The following UBE3D variants were observed in gnomAD, a reference collection of about 807,000 sequenced individuals.
UBE3D encodes ubiquitin protein ligase E3D, also known as E3 ubiquitin-protein ligase E3D.
In UBE3D, 48 loss-of-function variants were observed where a neutral mutation model predicts 49.6. That is an observed-to-expected ratio of 0.97 (90% CI 0.77 to 1.23). The LOEUF (loss-of-function observed/expected upper bound fraction) is 1.23, where lower values mean the gene tolerates loss of function less well. UBE3D is among the 50% of genes most tolerant of loss of function. UBE3D has a pLI of 0.00. For missense variants in UBE3D, 452 were observed against 468.4 expected (o/e 0.96, Z 0.32); for synonymous variants, 189 against 174.2 (o/e 1.08, Z -0.67).
intron 9 of UBE3D, among the ~76,000 whole-genome samples, chr6:82,909,884 C>T (rs1431322000): frequency 6.6e-6 from 1 of 152,152 alleles, no homozygotes; most frequent in Non-Finnish European, 1.5e-5. Flanking sequence ...TGCGATCCTT[C>T]CCCTTCCTCC....
intron 9 of UBE3D, among the ~76,000 whole-genome samples, chr6:82,933,479 C>A (rs1212159072): frequency 6.6e-6 from 1 of 152,224 alleles, no homozygotes; most frequent in East Asian, 1.9e-4. Flanking sequence ...CAACATTTAG[C>A]AGACAACTTT....
At chr6:82,921,279 T>A (rs1773317236) in intron 9 of UBE3D, among the ~76,000 whole-genome samples, 1 of 152,170 alleles carries the variant, frequency 6.6e-6, no homozygotes, top group African/African-American at 2.4e-5. Flanking sequence ...TTTAAACACA[T>A]AGCTGAGCTA....
At chr6:82,891,295 G>A (rs1243586201), downstream of UBE3D, among the ~76,000 whole-genome samples, 1 of 152,166 alleles carries the variant, frequency 6.6e-6, no homozygotes. Context: ...GGAATCTAGT[G>A]GGTAGAGGTC....
chr6:82,885,065 G>A, the UBE3D span, among the ~76,000 whole-genome samples: 2 of 151,884 alleles, frequency 1.3e-5, no homozygotes, highest in African/African-American at 4.8e-5. Context: ...AGAATGGGTT[G>A]TCACGTCCCT....
the UBE3D span, among the ~76,000 whole-genome samples, chr6:82,887,389 G>GTTTTTGTTTTGTTTTTTTTTTTTTTTTTT: frequency 9.2e-5 from 9 of 98,328 alleles, 2 homozygotes; most frequent in African/African-American, 4.1e-4. Context: ...GACAGTAACA[G>GTTTTTGTTTTGTTTTTTTTTTTTTTTTTT]TTTTTTTTTT....
intron 8 of UBE3D, among the ~76,000 whole-genome samples, chr6:82,973,822 A>G (rs1316951843): frequency 2.6e-5 from 4 of 152,146 alleles, no homozygotes; most frequent in Non-Finnish European, 5.9e-5. Flanking sequence ...CATCACTTAC[A>G]TTACTGCCCA....
At chr6:82,885,623 A>G in the UBE3D span, among the ~76,000 whole-genome samples, 1 of 152,246 alleles carries the variant, frequency 6.6e-6, no homozygotes, top group Non-Finnish European at 1.5e-5. Flanking sequence ...ACTTTTAACT[A>G]CCGCATCTAC....
chr6:83,004,519 C>A (rs1191480398), intron 8 of UBE3D, among the ~76,000 whole-genome samples: 1 of 152,108 alleles, frequency 6.6e-6, no homozygotes, highest in Admixed American at 6.5e-5. Context: ...GTCAGTGTAC[C>A]CAATTGGGAT....
intron 5 of UBE3D, among the ~76,000 whole-genome samples, chr6:83,028,789 G>T (rs1486348281): frequency 6.6e-6 from 1 of 151,868 alleles, no homozygotes; most frequent in Admixed American, 6.6e-5. Context: ...ATCATTTCTT[G>T]TACAGCAGGT....
intron 9 of UBE3D, among the ~76,000 whole-genome samples, chr6:82,909,301 C>T (rs1772329180): frequency 6.6e-6 from 1 of 152,106 alleles, no homozygotes; most frequent in Admixed American, 6.5e-5. Context: ...CTCAGGTTAC[C>T]AAAGTTGAAT....
chr6:82,903,022 A>C lies in UBE3D; in HGVS notation c.1150-9980T>G, dbSNP rs145771400. Among the ~76,000 whole-genome samples, 607 of 151,630 alleles carry C rather than the reference A, an allele frequency of 4.0e-3. 3 individuals are homozygous for C. Among genetic ancestry groups the C allele is most frequent in the African/African-American group, 0.013 (538 of 41,322 alleles). On this transcript the variant is annotated intron_variant, in intron 9 of 9. Transcript: ENST00000369747. ...GAGTAGATCTCTGTCTCTGAGCTTC[A>C]CATTCATTCCATCATAAAAGCTCCC...
intron 4 of UBE3D, among the ~76,000 whole-genome samples, chr6:83,040,800 C>T (rs1327086490): frequency 6.6e-6 from 1 of 152,196 alleles, no homozygotes; most frequent in Non-Finnish European, 1.5e-5. Context: ...GCACTGACAT[C>T]CTTATCAGGC....
chr6:82,881,263 T>C, the UBE3D span, among the ~76,000 whole-genome samples: 2 of 152,162 alleles, frequency 1.3e-5, no homozygotes, highest in Non-Finnish European at 2.9e-5. Flanking sequence ...AACTGCAGGA[T>C]GCATTGGGGC....
intron 8 of UBE3D, 104 bp from the exon 9 acceptor site, chr6:82,957,554 T>C: frequency 2.3e-6 from 3 of 1,278,584 alleles, no homozygotes; most frequent in South Asian, 1.6e-5. Context: ...AAAGGCAAAG[T>C]ACAAAAACTA....
At chr6:82,996,141 G>A (rs895419905) in intron 8 of UBE3D, among the ~76,000 whole-genome samples, 2 of 152,054 alleles carry the variant, frequency 1.3e-5, no homozygotes, top group Non-Finnish European at 2.9e-5. Flanking sequence ...TTTTATGGCT[G>A]ATTCTAGGGC....
At chr6:82,984,154 T>G (rs984520201) in intron 8 of UBE3D, among the ~76,000 whole-genome samples, 9 of 152,196 alleles carry the variant, frequency 5.9e-5, no homozygotes, top group African/African-American at 1.9e-4. Flanking sequence ...GCAAATATAT[T>G]CATATTCTTA....
chr6:83,028,476 A>G (rs780816906), intron 5 of UBE3D, among the ~76,000 whole-genome samples: 5 of 152,184 alleles, frequency 3.3e-5, no homozygotes, highest in Admixed American at 2.6e-4. Context: ...CTACAATTCC[A>G]CAGGGCTGTT....
intron 8 of UBE3D, among the ~76,000 whole-genome samples, chr6:82,969,552 G>A (rs775711956): frequency 5.9e-5 from 9 of 152,116 alleles, no homozygotes; most frequent in Non-Finnish European, 1.2e-4. Flanking sequence ...AGGTTGCAGT[G>A]AGTCAAGATC....
intron 8 of UBE3D, among the ~76,000 whole-genome samples, chr6:82,962,504 A>T (rs1055701025): frequency 6.6e-6 from 1 of 152,224 alleles, no homozygotes; most frequent in Non-Finnish European, 1.5e-5. Context: ...ACATTGTTAC[A>T]GTAATGATAA....
Sources: allele counts gnomAD v4.1 joint callset (sites outside exome capture counted in the v4.1 genomes callset), GRCh38; gene constraint gnomAD v4.1.1; transcripts MANE v1.5; gene names NCBI Gene and HGNC (gene_info 2026-07-23, HGNC 2026-07-21).